Variants in AP3S2 observed in about 807,000 individuals in gnomAD.
AP3S2 encodes adaptor related protein complex 3 subunit sigma 2.
A neutral mutation model predicts 23.4 loss-of-function variants in AP3S2; 22 were observed. The observed-to-expected ratio is 0.94, with a 90% confidence interval of 0.67 to 1.34. The LOEUF is 1.34. Among genes scored for constraint, AP3S2 ranks in the 40% most tolerant of loss-of-function variants. The pLI, the probability that AP3S2 is intolerant of heterozygous loss-of-function variation, is 0.00. For missense variants in AP3S2, 241 were observed against 236.9 expected (o/e 1.02, Z -0.11); for synonymous variants, 86 against 87.1 (o/e 0.99, Z 0.07).
chr15:89,867,977 G>GGCCAGCCGTGCCATCCA (rs1896186410), intron 4 of AP3S2, among the ~76,000 whole-genome samples: 1 of 147,108 alleles, frequency 6.8e-6, no homozygotes, highest in Non-Finnish European at 1.5e-5. Context: ...CGTGCCATCC[G>GGCCAGCCGTGCCATCCA]GGAGGGAGGT....
chr15:89,844,229 T>C (rs7165195), intron 4 of AP3S2, among the ~76,000 whole-genome samples: 28 of 54,656 alleles, frequency 5.1e-4, no homozygotes, highest in African/African-American at 1.8e-3. Flanking sequence ...CTTTCTTTCT[T>C]TCTTTCTTTC....
intron 1 of AP3S2, 116 bp from the exon 2 acceptor site, chr15:89,889,256 C>T: frequency 9.4e-7 from 1 of 1,067,932 alleles, no homozygotes. Context: ...ACATTTAGTA[C>T]TTGTTTCTAG....
At chr15:89,842,200 G>GAA (rs546123908) in intron 4 of AP3S2, among the ~76,000 whole-genome samples, 1 of 139,688 alleles carries the variant, frequency 7.2e-6, no homozygotes, top group Non-Finnish European at 1.6e-5. Flanking sequence ...GAGAGAAATG[G>GAA]AAAAAAAAAA....
chr15:89,857,644 C>T (rs1269235857), intron 4 of AP3S2, among the ~76,000 whole-genome samples: 1 of 152,206 alleles, frequency 6.6e-6, no homozygotes, highest in Non-Finnish European at 1.5e-5. Flanking sequence ...TAAGATTCAA[C>T]CATGTTTTCT....
chr15:89,841,613 G>A (rs1259351143), intron 4 of AP3S2, among the ~76,000 whole-genome samples: 2 of 152,174 alleles, frequency 1.3e-5, no homozygotes, highest in African/African-American at 4.8e-5. Flanking sequence ...TGGTAGTAGA[G>A]AAGACATCCT....
chr15:89,869,583 A>AAG lies in AP3S2; in HGVS notation c.345+1891_345+1892insCT, dbSNP rs1555447345. Among the ~76,000 whole-genome samples, 16 of 148,478 alleles carry AAG rather than the reference A, an allele frequency of 1.1e-4. 1 individual carries two copies. The highest frequency in any genetic ancestry group is 3.9e-4 in the African/African-American group (16 of 40,570). ...AATTATCAATAAAAAAAAAAAAAAA[A>AAG]AAAGAAAACTCCCCCTTTCCTAGTA... is the stretch of plus-strand genomic sequence containing the variant. On this transcript the variant is annotated intron_variant, in intron 4 of 5. Coordinates refer to ENST00000336418, the MANE Select transcript of AP3S2 (RefSeq NM_005829.5).
At chr15:89,858,475 GAAAGAAAGAAAGAA>G (rs1194126841) in intron 4 of AP3S2, among the ~76,000 whole-genome samples, 5 of 28,910 alleles carry the variant, frequency 1.7e-4, no homozygotes, top group Admixed American at 4.5e-4. Context: ...AAGAAAGAAA[GAAAGAAAGAAAGAA>G]AGAAAGAGAG....
rs1243831057 is a variant in AP3S2 at position 89,844,228 on chromosome 15, TTTC to T, written c.346-6509_346-6507del. On this transcript the variant is annotated intron_variant, in intron 4 of 5. Transcript: ENST00000336418. ...TTCTTTCTCTTTCTTTCTTTCTTTC[TTTC>T]TTTCTTTCTTTCTTTCTTTCTTTCT... Among the ~76,000 whole-genome samples, 5 of 53,040 alleles carry T rather than the reference TTTC, an allele frequency of 9.4e-5. 1 individual carries two copies. Among genetic ancestry groups the T allele is most frequent in the African/African-American group, 2.9e-4 (4 of 13,634 alleles). 34.8% of individuals were successfully genotyped at this position (53,040 alleles called of 152,430 possible). A position where few individuals can be genotyped will look rare whatever the true frequency, so the allele number is the denominator to read the frequency against.
chr15:89,863,359 G>A (rs1242538082), intron 4 of AP3S2, among the ~76,000 whole-genome samples: 1 of 152,118 alleles, frequency 6.6e-6, no homozygotes, highest in Non-Finnish European at 1.5e-5. Context: ...TAGAGCCATG[G>A]GAAGGGCTGT....
intron 3 of AP3S2, chr15:89,877,363 A>G: frequency 7.7e-7 from 1 of 1,295,592 alleles, no homozygotes; most frequent in Non-Finnish European, 1.0e-6. Context: ...TTGTTCCCAA[A>G]GAGCTAGTGT....
chr15:89,846,131 T>C (rs1596190628), intron 4 of AP3S2, among the ~76,000 whole-genome samples: 2 of 152,338 alleles, frequency 1.3e-5, no homozygotes, highest in Non-Finnish European at 2.9e-5. Context: ...GAGGCATAGA[T>C]ACTGATGTTT....
chr15:89,859,778 T>G (rs1895967850), intron 4 of AP3S2, among the ~76,000 whole-genome samples: 1 of 149,756 alleles, frequency 6.7e-6, no homozygotes, highest in Admixed American at 6.6e-5. Context: ...TTTTTTTTTT[T>G]TCTGAGATGG....
intron 4 of AP3S2, among the ~76,000 whole-genome samples, chr15:89,866,723 C>T (rs1896132657): frequency 6.6e-6 from 1 of 151,880 alleles, no homozygotes; most frequent in African/African-American, 2.4e-5. Flanking sequence ...GACCTCAGGC[C>T]TCCCAAAGTG....
chr15:89,868,476 AG>A (rs1896217414), intron 4 of AP3S2, among the ~76,000 whole-genome samples: 1 of 82,578 alleles, frequency 1.2e-5, no homozygotes, highest in Admixed American at 1.1e-4. Flanking sequence ...GGAAGTGAGG[AG>A]CCCCTCTGCC....
At chr15:89,893,739 T>C in intron 1 of AP3S2, 142 bp downstream of exon 1, 1 of 766,358 alleles carries the variant, frequency 1.3e-6, no homozygotes, top group Non-Finnish European at 2.1e-6. Flanking sequence ...CTAGATTAAA[T>C]GCTTAAGTAG....
intron 4 of AP3S2, among the ~76,000 whole-genome samples, chr15:89,846,304 C>T (rs1895485979): frequency 6.6e-6 from 1 of 152,096 alleles, no homozygotes; most frequent in African/African-American, 2.4e-5. Context: ...GACAATCTAA[C>T]CTGTTATCGA....
chr15:89,865,767 G>GACA (rs1269959068), intron 4 of AP3S2: 3 of 152,114 alleles, frequency 2.0e-5, no homozygotes, highest in African/African-American at 7.2e-5. Context: ...GAATATTCAT[G>GACA]ACAACATATT....
Position 89,859,762 on chromosome 15 carries a change from C to CTT in AP3S2, c.345+11711_345+11712dup, listed in dbSNP as rs34836617. ...AATTTAAGAAATCATTATTGCTGAT[C>CTT]TTTTTTTTTTTTTTTTTCTGAGATG... On this transcript the variant is annotated intron_variant, in intron 4 of 5. Transcript: ENST00000336418. Among the ~76,000 whole-genome samples, 332 of 117,294 alleles carry CTT rather than the reference C, an allele frequency of 2.8e-3. 11 individuals carry two copies. Among genetic ancestry groups the CTT allele is most frequent in the South Asian group, 0.013 (48 of 3,654 alleles). The allele number at this position is 117,294 out of a possible 152,430, so 76.9% of individuals were successfully genotyped here.
intron 3 of AP3S2, 53 bp from the exon 4 acceptor site, chr15:89,871,599 C>G: frequency 6.4e-7 from 1 of 1,573,342 alleles, no homozygotes; most frequent in Middle Eastern, 1.7e-4. Context: ...ACATTCACAG[C>G]TTTATCAATG....
Sources: gnomAD v4.1 joint callset for allele counts (sites outside exome capture counted in the v4.1 genomes callset) on GRCh38, gnomAD v4.1.1 for gene constraint, MANE v1.5 for transcripts, NCBI Gene and HGNC (gene_info 2026-07-23, HGNC 2026-07-21) for gene names.